DOK6: variants seen among roughly 807,000 people sequenced by gnomAD.
DOK6 encodes the protein downstream of tyrosine kinase 6.
DOK6 carries 22 observed loss-of-function variants against 44.0 expected under a neutral mutation model. That is an observed-to-expected ratio of 0.50 (90% CI 0.36 to 0.71). The LOEUF (loss-of-function observed/expected upper bound fraction) is 0.71, where lower values mean the gene tolerates loss of function less well. Ranked by LOEUF, DOK6 falls within the 30% of genes least tolerant of loss-of-function variation. The pLI is 0.00. For synonymous variants in DOK6, 166 were observed against 145.5 expected, an observed-to-expected ratio of 1.14 and a Z score of -1.01; for missense variants, 340 against 416.4, an observed-to-expected ratio of 0.82 and a Z score of 1.60.
intron 7 of DOK6, among the ~76,000 whole-genome samples, chr18:69,838,251 AAAC>A (rs1196451632): frequency 2.0e-5 from 3 of 151,832 alleles, no homozygotes; most frequent in Non-Finnish European, 2.9e-5. Context: ...AAAAAAAAAA[AAAC>A]AGGATAAAAC....
At chr18:69,515,500 T>C (rs4516326) in intron 1 of DOK6, among the ~76,000 whole-genome samples, 121,887 of 152,102 alleles carry the variant, frequency 0.8, 50,094 homozygotes, top group South Asian at 0.92. Context: ...AAGCCAGTGG[T>C]GTACTGAATA....
At chr18:69,644,496 C>T (rs1289482395) in intron 3 of DOK6, among the ~76,000 whole-genome samples, 2 of 152,128 alleles carry the variant, frequency 1.3e-5, no homozygotes, top group East Asian at 3.9e-4. Flanking sequence ...GCACCAGTGC[C>T]ATTTAATGAA....
intron 7 of DOK6, among the ~76,000 whole-genome samples, chr18:69,758,941 C>T (rs1006254342): frequency 6.6e-6 from 1 of 152,148 alleles, no homozygotes; most frequent in Admixed American, 6.5e-5. Flanking sequence ...GGTTTCCAAA[C>T]TAGACTAATG....
At chr18:69,482,622 CAAAT>C (rs892667603) in intron 1 of DOK6, among the ~76,000 whole-genome samples, 24 of 152,044 alleles carry the variant, frequency 1.6e-4, no homozygotes, top group African/African-American at 5.5e-4. Context: ...AATGACAAAA[CAAAT>C]TAATATTTCA....
chr18:69,426,415 C>T (rs1036888812), intron 1 of DOK6, among the ~76,000 whole-genome samples: 4 of 152,120 alleles, frequency 2.6e-5, no homozygotes, highest in Non-Finnish European at 4.4e-5. Flanking sequence ...TAATTATATA[C>T]GCATTTCAGG....
chr18:69,819,596 T>C (rs1981506962), intron 7 of DOK6, among the ~76,000 whole-genome samples: 1 of 152,184 alleles, frequency 6.6e-6, no homozygotes, highest in Non-Finnish European at 1.5e-5. Flanking sequence ...AATGACAATG[T>C]TATACGACAA....
At chr18:69,584,062 C>T (rs1409818857) in intron 2 of DOK6, among the ~76,000 whole-genome samples, 3 of 138,696 alleles carry the variant, frequency 2.2e-5, no homozygotes, top group Non-Finnish European at 4.5e-5. Context: ...GAGCCGAGAT[C>T]GCGCCACTGC....
chr18:69,590,169 A>G (rs1426892505), intron 2 of DOK6, among the ~76,000 whole-genome samples: 1 of 152,180 alleles, frequency 6.6e-6, no homozygotes, highest in Non-Finnish European at 1.5e-5. Flanking sequence ...AATAAATCCT[A>G]TGTTGAAGTC....
At chr18:69,725,429 T>G (rs967847349) in intron 5 of DOK6, among the ~76,000 whole-genome samples, 2 of 152,226 alleles carry the variant, frequency 1.3e-5, no homozygotes, top group African/African-American at 4.8e-5. Flanking sequence ...AAAAGTAGTT[T>G]GAAACTTAAA....
At chr18:69,463,473 T>G (rs1979841895) in intron 1 of DOK6, among the ~76,000 whole-genome samples, 1 of 152,206 alleles carries the variant, frequency 6.6e-6, no homozygotes, top group Admixed American at 6.5e-5. Context: ...CTGCTCCCTC[T>G]TCCATATCAT....
chr18:69,779,584 G>A (rs1212696023), intron 7 of DOK6, among the ~76,000 whole-genome samples: 1 of 151,856 alleles, frequency 6.6e-6, no homozygotes. Flanking sequence ...GAGAGAATAT[G>A]TATCCCAAGT....
Position 69,846,164 on chromosome 18 carries a change from T to C in DOK6, c.*4781T>C, listed in dbSNP as rs1021695312. On this transcript the variant is annotated 3_prime_UTR_variant, in exon 8 of 8. Transcript: ENST00000382713. The stretch of plus-strand genomic sequence containing the variant: ...GCACTAGACAGTTTATAGACTCTTA[T>C]GGAAGTTGGGCACATTTCCCAGGCA... 5 of 152,244 alleles carry C rather than the reference T, an allele frequency of 3.3e-5. No individual in the cohort carries two copies. The highest frequency in any genetic ancestry group is 2.1e-4 in the South Asian group (1 of 4,832). The allele number at this position is 152,244 out of a possible 1,614,324, so 9.4% of individuals were successfully genotyped here. A position where few individuals can be genotyped will look rare whatever the true frequency, so the allele number is the denominator to read the frequency against.
intron 3 of DOK6, among the ~76,000 whole-genome samples, chr18:69,633,871 A>G (rs559500009): frequency 1.3e-5 from 2 of 152,328 alleles, no homozygotes; most frequent in East Asian, 3.9e-4. Flanking sequence ...AGTACCGAGT[A>G]AGGGAAACAG....
chr18:69,777,460 C>G (rs1318444261), intron 7 of DOK6, among the ~76,000 whole-genome samples: 1 of 152,084 alleles, frequency 6.6e-6, no homozygotes, highest in African/African-American at 2.4e-5. Context: ...TTTTCACTTT[C>G]ACTTGTAACT....
chr18:69,572,002 A>T (rs1301457707), intron 2 of DOK6, among the ~76,000 whole-genome samples: 1 of 152,132 alleles, frequency 6.6e-6, no homozygotes, highest in Non-Finnish European at 1.5e-5. Context: ...AGTCCTAATA[A>T]ATTGAAAAAT....
intron 5 of DOK6, among the ~76,000 whole-genome samples, chr18:69,716,727 C>G (rs1758552422): frequency 6.7e-6 from 1 of 148,898 alleles, no homozygotes; most frequent in African/African-American, 2.5e-5. Context: ...TTCTGGTTAC[C>G]TATAACCAGG....
intron 5 of DOK6, among the ~76,000 whole-genome samples, chr18:69,707,084 A>G (rs1986651781): frequency 6.6e-6 from 1 of 152,202 alleles, no homozygotes; most frequent in African/African-American, 2.4e-5. Flanking sequence ...TCCCATTCAC[A>G]ATTGCTTCAA....
intron 5 of DOK6, among the ~76,000 whole-genome samples, chr18:69,731,684 T>C (rs1366925824): frequency 6.6e-6 from 1 of 152,194 alleles, no homozygotes; most frequent in Admixed American, 6.5e-5. Context: ...TAATTCTTAT[T>C]GTTAGGTTCT....
At chr18:69,673,175 A>G (rs993443332) in intron 3 of DOK6, among the ~76,000 whole-genome samples, 5 of 152,122 alleles carry the variant, frequency 3.3e-5, no homozygotes, top group African/African-American at 7.2e-5. Context: ...AAACTGATGC[A>G]GTGCTGTTTT....
Sources: gnomAD v4.1 joint callset for allele counts (sites outside exome capture counted in the v4.1 genomes callset) on GRCh38, gnomAD v4.1.1 for gene constraint, MANE v1.5 for transcripts, NCBI Gene and HGNC (gene_info 2026-07-23, HGNC 2026-07-21) for gene names.